Variants in ULK4 observed in about 807,000 individuals in gnomAD.
ULK4 encodes inactive serine/threonine-protein kinase ULK4.
ULK4 carries 133 observed loss-of-function variants against 160.6 expected under a neutral mutation model. The ratio of observed to expected loss-of-function variants is 0.83; its 90% CI spans 0.72 to 0.96. The LOEUF is 0.96. ULK4 is among the 40% of genes least tolerant of loss of function. ULK4 has a pLI of 0.00. For synonymous variants in ULK4, 534 were observed against 539.8 expected (o/e 0.99, Z 0.15); for missense variants, 1,580 against 1,499.5 (o/e 1.05, Z -0.89).
At chr3:41,321,353 T>TA (rs1167266666) in intron 35 of ULK4, among the ~76,000 whole-genome samples, 1 of 152,178 alleles carries the variant, frequency 6.6e-6, no homozygotes, top group Non-Finnish European at 1.5e-5. Context: ...ATGACTATAG[T>TA]ACCCAGTGGC....
At chr3:41,658,293 T>C (rs2035015728) in intron 30 of ULK4, among the ~76,000 whole-genome samples, 1 of 152,208 alleles carries the variant, frequency 6.6e-6, no homozygotes, top group Non-Finnish European at 1.5e-5. Context: ...GGGGAGCGTC[T>C]AATTACTGAT....
intron 35 of ULK4, among the ~76,000 whole-genome samples, chr3:41,338,865 G>A (rs2080622481): frequency 6.6e-6 from 1 of 151,786 alleles, no homozygotes; most frequent in African/African-American, 2.4e-5. Flanking sequence ...AAGATCAAGG[G>A]CAGACTGATA....
chr3:41,799,260 G>A (rs1050471616), intron 20 of ULK4, among the ~76,000 whole-genome samples: 1 of 152,020 alleles, frequency 6.6e-6, no homozygotes, highest in African/African-American at 2.4e-5. Context: ...ATAGGAGAGA[G>A]GGTTATATTT....
At chr3:41,511,162 C>CAAAAAA (rs57133226) in intron 32 of ULK4, among the ~76,000 whole-genome samples, 2 of 97,594 alleles carry the variant, frequency 2.0e-5, no homozygotes, top group East Asian at 2.9e-4. Context: ...GACTCCGTCT[C>CAAAAAA]AAAAAAAAAA....
At chr3:41,827,005 T>C (rs2041382491) in intron 18 of ULK4, among the ~76,000 whole-genome samples, 1 of 150,604 alleles carries the variant, frequency 6.6e-6, no homozygotes, top group South Asian at 2.1e-4. Context: ...ATTAAGAAAC[T>C]CACTGAAAAC....
chr3:41,356,745 G>A (rs2081037617), intron 35 of ULK4, among the ~76,000 whole-genome samples: 1 of 152,196 alleles, frequency 6.6e-6, no homozygotes, highest in South Asian at 2.1e-4. Context: ...AGGGAAGACA[G>A]AATCAGAGTG....
intron 34 of ULK4, among the ~76,000 whole-genome samples, chr3:41,411,891 A>G (rs1024616833): frequency 5.3e-5 from 8 of 152,198 alleles, no homozygotes; most frequent in Non-Finnish European, 7.3e-5. Context: ...GAAATTACGA[A>G]GACAGACAGG....
intron 35 of ULK4, among the ~76,000 whole-genome samples, chr3:41,264,958 A>G (rs967252670): frequency 6.6e-6 from 1 of 152,220 alleles, no homozygotes; most frequent in Admixed American, 6.5e-5. Flanking sequence ...GAGACTTGTG[A>G]CAGGGCACAG....
rs913309167 is a variant in ULK4, at chr3:41,523,535, A to G, written c.3226+42490T>C. Among the ~76,000 whole-genome samples, 8 of 152,228 alleles carry G rather than the reference A, an allele frequency of 5.3e-5. No homozygotes were observed. The South Asian group carries it at 8.3e-4, about 16-fold the overall frequency. ...TATATTTTATTACAATAAAAAATAA[A>G]TACTTGTATAATACATTTTTATGGA... On this transcript the variant is annotated intron_variant, in intron 32 of 36. Coordinates refer to ENST00000301831, the MANE Select transcript of ULK4 (RefSeq NM_017886.4).
chr3:41,494,986 G>A (rs75645510), intron 32 of ULK4, among the ~76,000 whole-genome samples: 68,463 of 151,668 alleles, frequency 0.45, 16,128 homozygotes, highest in Admixed American at 0.52. Context: ...AATCAGTATC[G>A]TGAAAATGGC....
intron 7 of ULK4, among the ~76,000 whole-genome samples, chr3:41,917,936 G>A (rs572206530): frequency 4.6e-5 from 7 of 152,098 alleles, no homozygotes; most frequent in South Asian, 2.1e-4. Context: ...GCAGTGAGCC[G>A]AGAACACGCC....
At chr3:41,526,185 G>A (rs72619993) in intron 32 of ULK4, among the ~76,000 whole-genome samples, 1 of 53,750 alleles carries the variant, frequency 1.9e-5, no homozygotes, top group African/African-American at 3.7e-5. Context: ...TGTATGATTC[G>A]TCTTCTTTTT....
chr3:41,921,075 T>G (rs1716980), intron 5 of ULK4, among the ~76,000 whole-genome samples: 143,305 of 152,198 alleles, frequency 0.94, 68,055 homozygotes, highest in East Asian at 1. Context: ...ACTTTGAGAG[T>G]CTGAGGCAGG....
intron 21 of ULK4, among the ~76,000 whole-genome samples, chr3:41,771,176 T>C (rs1212121997): frequency 6.6e-6 from 1 of 152,230 alleles, no homozygotes; most frequent in Non-Finnish European, 1.5e-5. Flanking sequence ...TCTATCTTTG[T>C]CAATTATAAA....
At chr3:41,772,523 G>T (rs992695117) in intron 21 of ULK4, among the ~76,000 whole-genome samples, 2 of 152,160 alleles carry the variant, frequency 1.3e-5, no homozygotes, top group African/African-American at 2.4e-5. Context: ...AAACCAGGAA[G>T]AAGTTGAATC....
intron 17 of ULK4, among the ~76,000 whole-genome samples, chr3:41,861,399 A>G (rs1406947990): frequency 6.6e-6 from 1 of 152,170 alleles, no homozygotes; most frequent in African/African-American, 2.4e-5. Context: ...CATTTGAAGG[A>G]TATTTTCACC....
rs898113298 is a variant in ULK4 at position 41,278,812 on chromosome 3, A to C, written c.3679-29238T>G. On this transcript the variant is annotated intron_variant, in intron 35 of 36. Transcript: ENST00000301831. ...CATAGGTCACCAACATCAAAGACCA[A>C]AGGTAGATAAAACCACAAAGATGGG... Among the ~76,000 whole-genome samples, 98 of 152,216 alleles carry C rather than the reference A, an allele frequency of 6.4e-4. 1 individual carries two copies. Among genetic ancestry groups the C allele is most frequent in the Admixed American group, 5.0e-3 (77 of 15,284 alleles).
chr3:41,559,926 T>A (rs866216921), intron 32 of ULK4, among the ~76,000 whole-genome samples: 1 of 152,192 alleles, frequency 6.6e-6, no homozygotes, highest in South Asian at 2.1e-4. Context: ...GGTGTTTTAG[T>A]CATGAAGCCC....
intron 3 of ULK4, 193 bp downstream of exon 3, chr3:41,937,905 T>TA (rs1379377602): frequency 3.8e-5 from 15 of 393,788 alleles, no homozygotes; most frequent in South Asian, 1.1e-4. Flanking sequence ...TACACGAAAG[T>TA]AAATCCAACC....
Sources: allele counts gnomAD v4.1 joint callset (sites outside exome capture counted in the v4.1 genomes callset), GRCh38; gene constraint gnomAD v4.1.1; transcripts MANE v1.5; gene names NCBI Gene and HGNC (gene_info 2026-07-23, HGNC 2026-07-21).